The following ADGRD1 variants were observed in gnomAD, a reference collection of about 807,000 sequenced individuals.
The protein encoded by ADGRD1 is adhesion G protein-coupled receptor D1.
A neutral mutation model predicts 113.4 loss-of-function variants in ADGRD1; 77 were observed. That is an observed-to-expected ratio of 0.68 (90% confidence interval 0.57 to 0.82). The LOEUF (loss-of-function observed/expected upper bound fraction) is 0.82, where lower values mean the gene tolerates loss of function less well. Ranked by LOEUF, ADGRD1 falls within the 40% of genes least tolerant of loss-of-function variation. The probability of loss-of-function intolerance (pLI) is 0.00; values close to 1 mark genes in which losing one functional copy is unlikely to be tolerated. For synonymous variants in ADGRD1, 474 were observed against 475.0 expected (o/e 1.00, Z 0.03); for missense variants, 1,036 against 1,139.1 (o/e 0.91, Z 1.30).
intron 13 of ADGRD1, among the ~76,000 whole-genome samples, chr12:131,067,574 G>A (rs1195268306): frequency 4.9e-5 from 7 of 143,076 alleles, no homozygotes; most frequent in Admixed American, 2.1e-4. Flanking sequence ...ATGTCTGATC[G>A]CTGTGCCCCT....
At chr12:131,107,168 C>T (rs529859334) in intron 17 of ADGRD1, among the ~76,000 whole-genome samples, 17 of 151,662 alleles carry the variant, frequency 1.1e-4, no homozygotes, top group Non-Finnish European at 2.2e-4. Context: ...ATGGGTCCCG[C>T]TTTCCCAGAG....
chr12:130,961,732 A>C (rs932589994), intron 2 of ADGRD1, among the ~76,000 whole-genome samples: 1 of 152,186 alleles, frequency 6.6e-6, no homozygotes, highest in African/African-American at 2.4e-5. Flanking sequence ...GAGTTGGAAA[A>C]GGAACCTGTG....
At chr12:131,112,977 T>TG (rs559015652) in intron 18 of ADGRD1, among the ~76,000 whole-genome samples, 1 of 152,124 alleles carries the variant, frequency 6.6e-6, no homozygotes, top group East Asian at 1.9e-4. Context: ...AGCACAAAGT[T>TG]GGGGGGAATG....
At chr12:131,062,235 C>T (rs541110084) in intron 13 of ADGRD1, among the ~76,000 whole-genome samples, 5 of 152,154 alleles carry the variant, frequency 3.3e-5, no homozygotes, top group Admixed American at 1.3e-4. Context: ...CCTTGTGATC[C>T]GCTTGCCTTG....
chr12:130,958,238 C>T (rs555096126), intron 2 of ADGRD1, among the ~76,000 whole-genome samples: 47 of 124,904 alleles, frequency 3.8e-4, no homozygotes, highest in Admixed American at 1.7e-3. Context: ...CTTTCTCTGT[C>T]GCCCAGGCTG....
chr12:131,135,365 T>C (rs906928177), intron 21 of ADGRD1, among the ~76,000 whole-genome samples: 3 of 152,168 alleles, frequency 2.0e-5, no homozygotes, highest in African/African-American at 7.2e-5. Flanking sequence ...TAAAAACGCA[T>C]GCTGATGGGG....
At chr12:131,089,958 G>T (rs1399344878) in intron 15 of ADGRD1, among the ~76,000 whole-genome samples, 1 of 152,200 alleles carries the variant, frequency 6.6e-6, no homozygotes, top group Non-Finnish European at 1.5e-5. Flanking sequence ...TTCCTTCTTG[G>T]CATGGCCAGA....
At chr12:130,960,673 A>G (rs1233039585) in intron 2 of ADGRD1, among the ~76,000 whole-genome samples, 2 of 152,052 alleles carry the variant, frequency 1.3e-5, no homozygotes, top group Non-Finnish European at 2.9e-5. Flanking sequence ...ACACACACAC[A>G]CACATACACA....
intron 20 of ADGRD1, 25 bp from the exon 21 acceptor site, chr12:131,131,699 AC>A (rs747731022): frequency 6.5e-7 from 1 of 1,544,174 alleles, no homozygotes; most frequent in Admixed American, 1.7e-5. Context: ...GGCCCCCCTC[AC>A]CTTCCTCCAT....
At chr12:131,049,717 A>G (rs1883190514) in intron 13 of ADGRD1, among the ~76,000 whole-genome samples, 2 of 152,254 alleles carry the variant, frequency 1.3e-5, no homozygotes, top group South Asian at 4.1e-4. Context: ...GCGGCCGTGT[A>G]GGCTGCAGAG....
At chr12:130,959,293 C>A (rs1870072237) in intron 2 of ADGRD1, among the ~76,000 whole-genome samples, 1 of 152,214 alleles carries the variant, frequency 6.6e-6, no homozygotes, top group African/African-American at 2.4e-5. Flanking sequence ...ATTTGTTGGG[C>A]TGGCGCAGTG....
At chr12:131,010,326 G>T (rs1410386345) in intron 12 of ADGRD1, among the ~76,000 whole-genome samples, 1 of 152,222 alleles carries the variant, frequency 6.6e-6, no homozygotes, top group Non-Finnish European at 1.5e-5. Flanking sequence ...ACACAGGCAT[G>T]TGTCAGCAGG....
At position 131,043,768 on chromosome 12, in the gene ADGRD1, T is replaced by C. The variant is rs566752399; in HGVS notation, c.1473+29428T>C. Among the ~76,000 whole-genome samples, 4 of 152,300 alleles carry C rather than the reference T, an allele frequency of 2.6e-5. 1 individual carries two copies. In the South Asian group the frequency reaches 8.3e-4, roughly 32 times the overall value. Reference sequence around the variant, plus strand: ...CTCGTGCGGCTGGGGAGCAGGCTCGTAGTGACCGGAGGGCATAGTGACTGG... The same window carrying C: ...CTCGTGCGGCTGGGGAGCAGGCTCGCAGTGACCGGAGGGCATAGTGACTGG... On this transcript the variant is annotated intron_variant, in intron 13 of 24. Coordinates refer to ENST00000261654, the MANE Select transcript of ADGRD1 (RefSeq NM_198827.5).
intron 18 of ADGRD1, among the ~76,000 whole-genome samples, chr12:131,115,610 G>A (rs1950446323): frequency 6.6e-6 from 1 of 152,194 alleles, no homozygotes; most frequent in South Asian, 2.1e-4. Flanking sequence ...GCCAAGGACA[G>A]CACCGGTCTG....
intron 8 of ADGRD1, among the ~76,000 whole-genome samples, chr12:130,993,212 G>A (rs1438571249): frequency 6.6e-6 from 1 of 151,992 alleles, no homozygotes; most frequent in South Asian, 2.1e-4. Context: ...TACGTGGTGA[G>A]CACTTTTCAA....
intron 9 of ADGRD1, among the ~76,000 whole-genome samples, chr12:131,001,257 A>G (rs1876358999): frequency 6.6e-6 from 1 of 152,242 alleles, no homozygotes; most frequent in South Asian, 2.1e-4. Flanking sequence ...TAGAAAGGAG[A>G]ATGAAATAAT....
chr12:130,968,639 C>G (rs1871277472), intron 3 of ADGRD1: 1 of 276,924 alleles, frequency 3.6e-6, no homozygotes, highest in South Asian at 5.6e-5. Context: ...TTTGTTGAGC[C>G]TGTGTTATGA....
intron 5 of ADGRD1, among the ~76,000 whole-genome samples, chr12:130,983,886 A>G (rs1178568417): frequency 6.6e-6 from 1 of 152,324 alleles, no homozygotes; most frequent in East Asian, 1.9e-4. Flanking sequence ...TGCTGGCAGA[A>G]CAAAGGGAAC....
At position 131,050,998 on chromosome 12, in the gene ADGRD1, C is replaced by G. The variant is rs113036038; in HGVS notation, c.1474-25803C>G. Among the ~76,000 whole-genome samples the G allele has an allele frequency of 6.6e-6, 1 of 152,198 alleles. No homozygotes were observed. Among genetic ancestry groups the G allele is most frequent in the Non-Finnish European group, 1.5e-5 (1 of 68,040 alleles). On this transcript the variant is annotated intron_variant, in intron 13 of 24. Coordinates refer to ENST00000261654, the MANE Select transcript of ADGRD1 (RefSeq NM_198827.5). This position sits in a 1 kb window ranked among gnomAD's most constrained non-coding sequence, Gnocchi z 4.8. ...CACGGGCTGGTCCCGGTTCACGGCC[C>G]GGGTGTTGGGAACCCCTGTGTTAAA...
Sources: allele counts gnomAD v4.1 joint callset (sites outside exome capture counted in the v4.1 genomes callset), GRCh38; gene constraint gnomAD v4.1.1; non-coding constraint Gnocchi (gnomAD v3.1); transcripts MANE v1.5; gene names NCBI Gene and HGNC (gene_info 2026-07-23, HGNC 2026-07-21).